The following BMAL1 variants were observed in gnomAD, a reference collection of about 807,000 sequenced individuals.
BMAL1 encodes basic helix-loop-helix ARNT-like protein 1.
chr11:13,336,489 G>A, the BMAL1 span, among the ~76,000 whole-genome samples: 1 of 152,144 alleles, frequency 6.6e-6, no homozygotes, highest in Admixed American at 6.5e-5. Context: ...GCTTCTCGTG[G>A]GGGCAACTTG....
chr11:13,342,428 C>A, the BMAL1 span, among the ~76,000 whole-genome samples: 1 of 152,108 alleles, frequency 6.6e-6, no homozygotes, highest in Non-Finnish European at 1.5e-5. Flanking sequence ...TCCTGAATGG[C>A]CTTGCAGGGC....
the BMAL1 span, chr11:13,378,488 C>T: frequency 6.3e-7 from 1 of 1,576,490 alleles, no homozygotes; most frequent in Non-Finnish European, 8.6e-7. Flanking sequence ...CAGTGGTTCT[C>T]AACCCAGGGA....
chr11:13,279,426 T>C, the BMAL1 span, among the ~76,000 whole-genome samples: 1 of 152,222 alleles, frequency 6.6e-6, no homozygotes. Context: ...TGACAACTAT[T>C]ATTTTAATTC....
the BMAL1 span, among the ~76,000 whole-genome samples, chr11:13,374,406 A>G: frequency 2.0e-5 from 3 of 152,174 alleles, no homozygotes; most frequent in African/African-American, 4.8e-5. Flanking sequence ...TGCTGACTGC[A>G]TGGCAGTTTC....
At chr11:13,313,695 C>G in the BMAL1 span, among the ~76,000 whole-genome samples, 51 of 152,284 alleles carry the variant, frequency 3.3e-4, no homozygotes, top group Non-Finnish European at 5.6e-4. Context: ...ATCCTGTGTT[C>G]ATCTTTTTCC....
the BMAL1 span, chr11:13,355,070 TAAGGCAGTGTAGAATATTCA>T: frequency 3.4e-6 from 2 of 583,822 alleles, no homozygotes; most frequent in South Asian, 4.3e-5. Flanking sequence ...ACCTAGGGAA[TAAGGCAGTGTAGAATATTCA>T]AAGGCACATT....
the BMAL1 span, among the ~76,000 whole-genome samples, chr11:13,360,757 A>G: frequency 6.6e-5 from 10 of 152,210 alleles, no homozygotes; most frequent in South Asian, 8.3e-4. Flanking sequence ...ACCAACAACA[A>G]TTGAGAATTT....
the BMAL1 span, among the ~76,000 whole-genome samples, chr11:13,279,169 T>G: frequency 6.6e-6 from 1 of 152,222 alleles, no homozygotes; most frequent in Non-Finnish European, 1.5e-5. Flanking sequence ...TCTTCCTTCT[T>G]CCACCGCTAC....
At chr11:13,358,083 A>G in the BMAL1 span, among the ~76,000 whole-genome samples, 2 of 151,952 alleles carry the variant, frequency 1.3e-5, no homozygotes, top group Non-Finnish European at 2.9e-5. Flanking sequence ...TGAAGCCACC[A>G]CCTCCCTTCT....
At chr11:13,317,662 T>TAAAC in the BMAL1 span, among the ~76,000 whole-genome samples, 1 of 152,232 alleles carries the variant, frequency 6.6e-6, no homozygotes, top group South Asian at 2.1e-4. Context: ...TAAATAAATA[T>TAAAC]AAACAATTTC....
chr11:13,318,039 C>T, the BMAL1 span, among the ~76,000 whole-genome samples: 3 of 152,216 alleles, frequency 2.0e-5, no homozygotes, highest in African/African-American at 4.8e-5. Flanking sequence ...GGCCTGGGCC[C>T]GTCTTCCTTG....
the BMAL1 span, among the ~76,000 whole-genome samples, chr11:13,383,487 T>C: frequency 6.6e-6 from 1 of 152,180 alleles, no homozygotes; most frequent in African/African-American, 2.4e-5. Flanking sequence ...ACTATACTAG[T>C]AGTCATTGTA....
chr11:13,281,793 A>G, the BMAL1 span, among the ~76,000 whole-genome samples: 2 of 152,316 alleles, frequency 1.3e-5, no homozygotes, highest in African/African-American at 2.4e-5. Flanking sequence ...TACAGGCGTG[A>G]GTCACTGTGC....
chr11:13,287,143 A>G, the BMAL1 span, among the ~76,000 whole-genome samples: 1 of 152,136 alleles, frequency 6.6e-6, no homozygotes, highest in Non-Finnish European at 1.5e-5. Context: ...CACATTTGCC[A>G]TTTGAGAGGT....
At chr11:13,328,681 C>A in the BMAL1 span, among the ~76,000 whole-genome samples, 2 of 152,208 alleles carry the variant, frequency 1.3e-5, no homozygotes, top group African/African-American at 4.8e-5. Flanking sequence ...GAACTGAATT[C>A]ATCACAGATA....
At chr11:13,312,125 A>G in the BMAL1 span, among the ~76,000 whole-genome samples, 2 of 152,212 alleles carry the variant, frequency 1.3e-5, no homozygotes, top group East Asian at 3.8e-4. Flanking sequence ...GTTTAGAGCC[A>G]TGATTTATTG....
chr11:13,311,806 G>A, the BMAL1 span, among the ~76,000 whole-genome samples: 2 of 152,266 alleles, frequency 1.3e-5, no homozygotes, highest in East Asian at 3.9e-4. Flanking sequence ...CTTGCACCAC[G>A]GAATCCAGCC....
At chr11:13,318,841 C>CT in the BMAL1 span, among the ~76,000 whole-genome samples, 4 of 152,034 alleles carry the variant, frequency 2.6e-5, no homozygotes, top group African/African-American at 9.7e-5. Context: ...CTTTTAAAAA[C>CT]TTTTTTGTTT....
the BMAL1 span, among the ~76,000 whole-genome samples, chr11:13,286,831 A>G: frequency 7.2e-5 from 11 of 152,064 alleles, no homozygotes; most frequent in Admixed American, 3.3e-4. Flanking sequence ...AAAAATGGTG[A>G]CTCTGGCTTG....
Sources: allele counts gnomAD v4.1 joint callset (sites outside exome capture counted in the v4.1 genomes callset), GRCh38; gene constraint gnomAD v4.1.1; transcripts MANE v1.5; gene names NCBI Gene and HGNC (gene_info 2026-07-23, HGNC 2026-07-21).